The following KSR2 variants were observed in gnomAD, a reference collection of about 807,000 sequenced individuals.
The protein encoded by KSR2 is kinase suppressor of ras 2.
KSR2 carries 25 observed loss-of-function variants against 107.8 expected under a neutral mutation model. The ratio of observed to expected loss-of-function variants is 0.23; its 90% CI spans 0.17 to 0.32. KSR2 has a LOEUF of 0.32. KSR2 is among the 10% of genes least tolerant of loss of function. KSR2 has a pLI of 1.00. For missense variants in KSR2, 887 were observed against 1,268.9 expected (o/e 0.70, Z 4.57); for synonymous variants, 480 against 507.0 (o/e 0.95, Z 0.71).
At chr12:117,743,533 C>G (rs889048103) in intron 4 of KSR2, among the ~76,000 whole-genome samples, 3 of 152,186 alleles carry the variant, frequency 2.0e-5, no homozygotes, top group African/African-American at 7.2e-5. Flanking sequence ...GAATATGTTC[C>G]ACGCGCACAC....
At chr12:117,958,646 C>T (rs1270750070) in intron 1 of KSR2, among the ~76,000 whole-genome samples, 2 of 152,154 alleles carry the variant, frequency 1.3e-5, no homozygotes, top group Non-Finnish European at 2.9e-5. Flanking sequence ...CATGGTGAAA[C>T]TCCATCTCTA....
chr12:117,800,775 G>C (rs980653041), intron 3 of KSR2, among the ~76,000 whole-genome samples: 1 of 150,412 alleles, frequency 6.6e-6, no homozygotes. Context: ...AACAGGCCCC[G>C]GTGTGTGATG....
At chr12:117,617,513 T>G (rs1012632721) in intron 5 of KSR2, among the ~76,000 whole-genome samples, 3 of 152,188 alleles carry the variant, frequency 2.0e-5, no homozygotes, top group Non-Finnish European at 2.9e-5. Context: ...ATACAGCAAT[T>G]AAAAATAACA....
At chr12:117,778,353 A>G (rs140937992) in intron 3 of KSR2, among the ~76,000 whole-genome samples, 2,212 of 152,218 alleles carry the variant, frequency 0.015, 65 homozygotes, top group African/African-American at 0.05. Context: ...GGCCTCTCAT[A>G]GTGCTGGGAT....
At chr12:117,786,500 C>T (rs999874454) in intron 3 of KSR2, among the ~76,000 whole-genome samples, 1 of 152,006 alleles carries the variant, frequency 6.6e-6, no homozygotes, top group Non-Finnish European at 1.5e-5. Flanking sequence ...CACCCTTAAG[C>T]AGACCCTAGT....
intron 3 of KSR2, among the ~76,000 whole-genome samples, chr12:117,767,151 C>T (rs1315829777): frequency 1.3e-5 from 2 of 151,478 alleles, no homozygotes; most frequent in East Asian, 2.0e-4. Flanking sequence ...CGGTGGCTCA[C>T]GCCTGTAATC....
intron 7 of KSR2, among the ~76,000 whole-genome samples, chr12:117,575,302 G>A (rs532192193): frequency 6.6e-5 from 10 of 152,202 alleles, no homozygotes; most frequent in East Asian, 1.9e-4. Flanking sequence ...AAACGGTTCC[G>A]CTCATTTTCT....
intron 1 of KSR2, among the ~76,000 whole-genome samples, chr12:117,967,280 G>T (rs1489844108): frequency 6.6e-6 from 1 of 152,074 alleles, no homozygotes; most frequent in African/African-American, 2.4e-5. Context: ...CTGCCGGAGA[G>T]AATGTCACAA....
intron 6 of KSR2, among the ~76,000 whole-genome samples, chr12:117,580,040 G>A (rs1329559042): frequency 6.6e-6 from 1 of 152,148 alleles, no homozygotes; most frequent in Non-Finnish European, 1.5e-5. Flanking sequence ...TTCAATTTGT[G>A]TCACCGTCAG....
At chr12:117,956,015 C>T (rs770904443) in intron 1 of KSR2, among the ~76,000 whole-genome samples, 2 of 151,856 alleles carry the variant, frequency 1.3e-5, no homozygotes, top group Admixed American at 6.6e-5. Flanking sequence ...CTTTGGGAGG[C>T]CGAGACGGGC....
At chr12:117,509,585 C>A (rs545174852) in intron 14 of KSR2, among the ~76,000 whole-genome samples, 11 of 152,202 alleles carry the variant, frequency 7.2e-5, no homozygotes, top group Non-Finnish European at 1.6e-4. Flanking sequence ...GCCCTTGTTG[C>A]TCAGAGAGAG....
intron 1 of KSR2, among the ~76,000 whole-genome samples, chr12:117,949,716 A>C (rs998565977): frequency 7.9e-5 from 12 of 152,220 alleles, no homozygotes; most frequent in African/African-American, 2.9e-4. Flanking sequence ...AAATTCATCT[A>C]TGGTGGAAAA....
chr12:117,823,479 C>T (rs1225156912), intron 3 of KSR2, among the ~76,000 whole-genome samples: 3 of 152,032 alleles, frequency 2.0e-5, no homozygotes, highest in Non-Finnish European at 4.4e-5. Context: ...CAGGAGGCTC[C>T]CAGAGTTCCA....
rs376375045 is a variant in KSR2, at chr12:117,887,144, G to C, written c.181-26713C>G. On this transcript the variant is annotated intron_variant, in intron 1 of 19. Coordinates refer to ENST00000339824, the MANE Select transcript of KSR2 (RefSeq NM_173598.6). The stretch of plus-strand genomic sequence containing the variant: ...TTGCTCTGTTGCCTAGGCTGGTCTC[G>C]AACTCCTGGGCTCAAGTGATCCTTC... Among the ~76,000 whole-genome samples the C allele has an allele frequency of 1.0e-3, 153 of 152,096 alleles. 1 individual carries two copies. Among genetic ancestry groups the C allele is most frequent in the African/African-American group, 3.4e-3 (143 of 41,512 alleles).
intron 4 of KSR2, among the ~76,000 whole-genome samples, chr12:117,668,973 C>G (rs899545954): frequency 4.6e-5 from 7 of 152,172 alleles, no homozygotes; most frequent in Non-Finnish European, 1.0e-4. Context: ...TAAAGAAGAG[C>G]TCTTCCAGGG....
chr12:117,730,125 C>T (rs929032943), intron 4 of KSR2, among the ~76,000 whole-genome samples: 5 of 152,086 alleles, frequency 3.3e-5, no homozygotes, highest in African/African-American at 7.2e-5. Flanking sequence ...TGAATAGGTG[C>T]GGCTATGTTC....
At chr12:117,874,921 G>A (rs1893782961) in intron 1 of KSR2, among the ~76,000 whole-genome samples, 1 of 152,134 alleles carries the variant, frequency 6.6e-6, no homozygotes, top group Admixed American at 6.5e-5. Context: ...GCACTGCCCA[G>A]GTGTAGAATG....
intron 1 of KSR2, among the ~76,000 whole-genome samples, chr12:117,905,289 G>A (rs781514962): frequency 2.0e-5 from 3 of 152,126 alleles, no homozygotes; most frequent in South Asian, 2.1e-4. Flanking sequence ...AAGCTAACAC[G>A]GACCTACTAT....
intron 5 of KSR2, among the ~76,000 whole-genome samples, chr12:117,626,302 G>A (rs1450700809): frequency 6.6e-6 from 1 of 152,188 alleles, no homozygotes; most frequent in Non-Finnish European, 1.5e-5. Flanking sequence ...ATGTTGGGGT[G>A]TTGATTTTAG....
Sources: gnomAD v4.1 joint callset for allele counts (sites outside exome capture counted in the v4.1 genomes callset) on GRCh38, gnomAD v4.1.1 for gene constraint, MANE v1.5 for transcripts, NCBI Gene and HGNC (gene_info 2026-07-23, HGNC 2026-07-21) for gene names.